The following SGMS1 variants were observed in gnomAD, a reference collection of about 807,000 sequenced individuals.
SGMS1 encodes the protein sphingomyelin synthase 1.
A neutral mutation model predicts 46.2 loss-of-function variants in SGMS1; 13 were observed. The observed-to-expected ratio is 0.28, with a 90% CI of 0.18 to 0.45. The LOEUF (loss-of-function observed/expected upper bound fraction) is 0.45. SGMS1 is among the 20% of genes least tolerant of loss of function. The pLI, the probability that SGMS1 is intolerant of heterozygous loss-of-function variation, is 1.00. For synonymous variants in SGMS1, 203 were observed against 187.8 expected (o/e 1.08, Z -0.66); for missense variants, 324 against 519.9 (o/e 0.62, Z 3.66).
chr10:50,521,746 C>T (rs973440131), intron 2 of SGMS1, among the ~76,000 whole-genome samples: 10 of 152,170 alleles, frequency 6.6e-5, no homozygotes, highest in Admixed American at 3.9e-4. Context: ...TCAGAATAAT[C>T]GTGTAGTTTT....
Position 50,394,035 on chromosome 10 carries a change from A to G in SGMS1, c.-232+39441T>C, listed in dbSNP as rs971497121. Among the ~76,000 whole-genome samples, 4 of 152,284 alleles carry G rather than the reference A, an allele frequency of 2.6e-5. No homozygotes were observed. In the South Asian group the frequency reaches 8.3e-4, roughly 32 times the overall value. On this transcript the variant is annotated intron_variant, in intron 6 of 10. Transcript: ENST00000361781. ...AGATACCACAAAAGGAGTGGAAAAA[A>G]CTGCCATACAAGCCAATTCCCTAGG...
At chr10:50,361,645 C>G (rs1399035728) in intron 6 of SGMS1, among the ~76,000 whole-genome samples, 1 of 152,182 alleles carries the variant, frequency 6.6e-6, no homozygotes, top group Non-Finnish European at 1.5e-5. Flanking sequence ...TCCTGGAGAT[C>G]CTATCTTGAA....
chr10:50,596,690 GA>G (rs1269446532), intron 1 of SGMS1, among the ~76,000 whole-genome samples: 4 of 152,198 alleles, frequency 2.6e-5, no homozygotes, highest in Non-Finnish European at 5.9e-5. Flanking sequence ...AGGTCAGTAT[GA>G]GGTGTTTGAA....
intron 8 of SGMS1, among the ~76,000 whole-genome samples, chr10:50,321,453 G>GA (rs1847442294): frequency 6.6e-6 from 1 of 151,994 alleles, no homozygotes; most frequent in Non-Finnish European, 1.5e-5. Flanking sequence ...TTTAATCACT[G>GA]AAAAAGGAAG....
Position 50,322,052 on chromosome 10 carries a change from C to T in SGMS1, c.741+5153G>A, listed in dbSNP as rs561862907. Among the ~76,000 whole-genome samples, 248 of 152,318 alleles carry T rather than the reference C, an allele frequency of 1.6e-3. 1 individual carries two copies. Among genetic ancestry groups the T allele is most frequent in the Non-Finnish European group, 3.1e-3 (208 of 68,028 alleles). On this transcript the variant is annotated intron_variant, in intron 8 of 10. Transcript: ENST00000361781. The stretch of plus-strand genomic sequence containing the variant: ...TATATTGATCCACTGAGCGATCAAC[C>T]TCAGATGCCACCCAGACATAACCCT...
chr10:50,543,797 A>G (rs1838076381), intron 2 of SGMS1, among the ~76,000 whole-genome samples: 1 of 152,246 alleles, frequency 6.6e-6, no homozygotes, highest in Non-Finnish European at 1.5e-5. Context: ...TTTTTAAACC[A>G]AAAGATTTTT....
chr10:50,584,558 A>C (rs1344078472), intron 2 of SGMS1, among the ~76,000 whole-genome samples: 1 of 152,044 alleles, frequency 6.6e-6, no homozygotes, highest in Non-Finnish European at 1.5e-5. Context: ...TTTGGCAACA[A>C]AACAAACCAG....
At chr10:50,333,994 G>C (rs1286766312) in intron 7 of SGMS1, among the ~76,000 whole-genome samples, 1 of 152,192 alleles carries the variant, frequency 6.6e-6, no homozygotes, top group Non-Finnish European at 1.5e-5. Flanking sequence ...AGGAATTTAA[G>C]TACTAGCCTG....
At chr10:50,380,112 G>A (rs1391851342) in intron 6 of SGMS1, among the ~76,000 whole-genome samples, 1 of 152,132 alleles carries the variant, frequency 6.6e-6, no homozygotes, top group Admixed American at 6.5e-5. Context: ...TGGGCACAGT[G>A]GCTCATATCT....
chr10:50,623,309 G>A (rs1430545901), intron 1 of SGMS1, among the ~76,000 whole-genome samples: 1 of 152,136 alleles, frequency 6.6e-6, no homozygotes, highest in East Asian at 1.9e-4. Flanking sequence ...TCCGGACCCC[G>A]GGCGGGCTAC....
intron 6 of SGMS1, among the ~76,000 whole-genome samples, chr10:50,405,837 C>T (rs1435414529): frequency 2.6e-5 from 4 of 152,088 alleles, no homozygotes; most frequent in African/African-American, 9.7e-5. Context: ...AATGTGGCTC[C>T]AACTCATTAA....
chr10:50,615,244 A>G (rs1308745567), intron 1 of SGMS1, among the ~76,000 whole-genome samples: 1 of 152,208 alleles, frequency 6.6e-6, no homozygotes, highest in Non-Finnish European at 1.5e-5. Context: ...GCCTCCAACC[A>G]GGTCTTTCCG....
At chr10:50,580,818 G>T (rs1262735839) in intron 2 of SGMS1, among the ~76,000 whole-genome samples, 1 of 152,206 alleles carries the variant, frequency 6.6e-6, no homozygotes, top group African/African-American at 2.4e-5. Flanking sequence ...GATTTGCAAG[G>T]TGAAAAAGTT....
At chr10:50,399,292 T>G (rs1312051266) in intron 6 of SGMS1, among the ~76,000 whole-genome samples, 1 of 152,122 alleles carries the variant, frequency 6.6e-6, no homozygotes, top group Non-Finnish European at 1.5e-5. Context: ...TCTAATAATC[T>G]GAATTTCAAA....
In SGMS1 at chr10:50,457,164, A is replaced by G. The variant is rs992588834; in HGVS notation, c.-313+3509T>C. ...GCCACTAAAAGTATGTTGCAAAAGA[A>G]CATTTAAGCACATAGGAAAAATGTT... On this transcript the variant is annotated intron_variant, in intron 5 of 10. Transcript: ENST00000361781. 2.0e-5 allele frequency among the ~76,000 whole-genome samples: 3 copies of G among 152,228 alleles called. No individual in the cohort carries two copies. The South Asian group carries it at 6.2e-4, about 32-fold the overall frequency.
At chr10:50,396,085 C>T (rs1848844432) in intron 6 of SGMS1, among the ~76,000 whole-genome samples, 1 of 152,120 alleles carries the variant, frequency 6.6e-6, no homozygotes, top group Non-Finnish European at 1.5e-5. Context: ...GCATTTCCTC[C>T]CTTTCCATGA....
chr10:50,619,913 A>T (rs947061715), intron 1 of SGMS1, among the ~76,000 whole-genome samples: 11 of 152,110 alleles, frequency 7.2e-5, no homozygotes, highest in Admixed American at 7.2e-4. Flanking sequence ...CTTTTGGCAG[A>T]GTGTGTGTGT....
chr10:50,449,866 T>G (rs1248597550), intron 5 of SGMS1, among the ~76,000 whole-genome samples: 1 of 152,092 alleles, frequency 6.6e-6, no homozygotes, highest in Non-Finnish European at 1.5e-5. Flanking sequence ...TCTTTTTTTT[T>G]TCTACTTGTC....
At chr10:50,385,212 C>T (rs1267649526) in intron 6 of SGMS1, among the ~76,000 whole-genome samples, 1 of 152,176 alleles carries the variant, frequency 6.6e-6, no homozygotes, top group Non-Finnish European at 1.5e-5. Flanking sequence ...ATCCATCTGC[C>T]CCATTACTGG....
Sources: gnomAD v4.1 joint callset for allele counts (sites outside exome capture counted in the v4.1 genomes callset) on GRCh38, gnomAD v4.1.1 for gene constraint, MANE v1.5 for transcripts, NCBI Gene and HGNC (gene_info 2026-07-23, HGNC 2026-07-21) for gene names.